NUP153: variants seen among roughly 807,000 people sequenced by gnomAD.
NUP153 encodes nuclear pore complex protein Nup153.
NUP153 carries 27 observed loss-of-function variants against 134.6 expected under a neutral mutation model. The observed-to-expected ratio is 0.20, with a 90% CI of 0.15 to 0.28. NUP153 has a LOEUF of 0.28. Among genes scored for constraint, NUP153 ranks in the 10% least tolerant of loss-of-function variants. The probability of loss-of-function intolerance (pLI) is 1.00; values close to 1 mark genes in which losing one functional copy is unlikely to be tolerated. For missense variants in NUP153, 1,821 were observed against 1,731.3 expected (o/e 1.05, Z -0.92); for synonymous variants, 640 against 623.5 (o/e 1.03, Z -0.40).
Position 17,637,395 on chromosome 6 carries a change from T to G in NUP153, c.2222A>C (p.Lys741Thr). The G allele has an allele frequency of 6.2e-7, 1 of 1,614,226 alleles. No homozygotes were observed. The highest frequency in any genetic ancestry group is 8.5e-7 in the Non-Finnish European group (1 of 1,180,038). The change falls in exon 16 of 22, where the codon AAA becomes ACA. Residue 741 changes from lysine (K) to threonine (T), a missense_variant. Transcript: ENST00000262077. ...CLVQNKPEAI[K>T]CVACETPKPG... ...TTTCGGTGTTTCACAGGCTACACAT[T>G]TTATTGCTTCAGGTTTATTTTGCAC...
In NUP153 at chr6:17,706,471, C is replaced by T; in HGVS notation, c.-84G>A. On this transcript the variant is annotated 5_prime_UTR_variant, in exon 1 of 22. Transcript: ENST00000262077. This position sits in a 1 kb window ranked among gnomAD's most constrained non-coding sequence, Gnocchi z 5.9. ...CGGAGGCCTTAGAGAGCCTCCCCCG[C>T]CGCCCGGCCCCGGCCCAAAAGTCCG... The T allele has an allele frequency of 1.9e-6, 2 of 1,034,412 alleles. No homozygotes were observed. Among genetic ancestry groups the T allele is most frequent in the Non-Finnish European group, 2.8e-6 (2 of 713,464 alleles). The allele number at this position is 1,034,412 out of a possible 1,614,324, so 64.1% of individuals were successfully genotyped here. A position where few individuals can be genotyped will look rare whatever the true frequency, so the allele number is the denominator to read the frequency against.
Position 17,697,503 on chromosome 6 carries a change from T to C in NUP153, c.111+8774A>G, listed in dbSNP as rs376158583. 2.6e-5 allele frequency among the ~76,000 whole-genome samples: 4 copies of C among 152,146 alleles called. No individual in the cohort carries two copies. The South Asian group carries it at 8.3e-4, about 32-fold the overall frequency. ...GAGTTCAAGACAAGCCTGGCCAACATGGCGAAACCCTGTCTCCATTAAAAA... is the reference window on the plus strand; with the variant it reads ...GAGTTCAAGACAAGCCTGGCCAACACGGCGAAACCCTGTCTCCATTAAAAA... On this transcript the variant is annotated intron_variant, in intron 1 of 21. Transcript: ENST00000262077.
At chr6:17,641,939 ATTCTAC>A (rs1765864825) in intron 14 of NUP153, among the ~76,000 whole-genome samples, 1 of 152,220 alleles carries the variant, frequency 6.6e-6, no homozygotes, top group Admixed American at 6.5e-5. Flanking sequence ...TCAGTCTACA[ATTCTAC>A]TTCTGAGAAT....
intron 1 of NUP153, among the ~76,000 whole-genome samples, chr6:17,705,348 C>A (rs893987586): frequency 2.6e-5 from 4 of 152,292 alleles, no homozygotes; most frequent in African/African-American, 9.6e-5. Context: ...TTCTCAGAAT[C>A]AACTATCTCA....
At chr6:17,645,267 T>C (rs149500275) in intron 14 of NUP153, among the ~76,000 whole-genome samples, 63 of 151,422 alleles carry the variant, frequency 4.2e-4, no homozygotes, top group African/African-American at 1.1e-3. Context: ...AAAAGAATTC[T>C]ATGTTTTAAT....
At chr6:17,659,714 G>A (rs774160977) in intron 11 of NUP153, among the ~76,000 whole-genome samples, 5 of 152,026 alleles carry the variant, frequency 3.3e-5, no homozygotes, top group African/African-American at 9.7e-5. Flanking sequence ...CTCGTGATCC[G>A]CCCGCCTTGG....
intron 8 of NUP153, among the ~76,000 whole-genome samples, chr6:17,668,139 G>A (rs959579024): frequency 3.4e-5 from 5 of 145,920 alleles, no homozygotes; most frequent in Admixed American, 7.0e-5. Flanking sequence ...GCAGTGGCGC[G>A]GCCTCGGCTC....
chr6:17,658,986 C>A (rs944791741), intron 11 of NUP153, among the ~76,000 whole-genome samples: 2 of 152,100 alleles, frequency 1.3e-5, no homozygotes, highest in Admixed American at 1.3e-4. Flanking sequence ...CTCAGCAAAT[C>A]AATGAGATGC....
intron 5 of NUP153, among the ~76,000 whole-genome samples, chr6:17,672,030 A>G (rs1279646463): frequency 1.3e-5 from 2 of 152,064 alleles, no homozygotes; most frequent in African/African-American, 2.4e-5. Flanking sequence ...AGCAATTCCA[A>G]TCAAAATCCT....
chr6:17,663,260 C>CACATAT lies in NUP153; in HGVS notation c.1216-1191_1216-1190insATATGT, dbSNP rs1389702878. On this transcript the variant is annotated intron_variant, in intron 9 of 21. Transcript: ENST00000262077. ...ACACACACACACACACACACACACACATATATATATATATATTTTGAGTCA... is the reference window on the plus strand; with the variant it reads ...ACACACACACACACACACACACACACACATATATATATATATATATATTTTGAGTCA... 3.6e-3 allele frequency among the ~76,000 whole-genome samples: 498 copies of CACATAT among 140,040 alleles called. 1 individual carries two copies. Among genetic ancestry groups the CACATAT allele is most frequent in the Non-Finnish European group, 3.7e-3 (238 of 64,500 alleles). 91.9% of individuals were successfully genotyped at this position (140,040 alleles called of 152,430 possible).
chr6:17,621,382 A>G (rs1353803228), intron 20 of NUP153, among the ~76,000 whole-genome samples: 3 of 152,218 alleles, frequency 2.0e-5, no homozygotes, highest in African/African-American at 2.4e-5. Context: ...GGAAATCAGT[A>G]TATCAAAGAG....
In NUP153 at chr6:17,682,841, G is replaced by A. The variant is rs553299341; in HGVS notation, c.334+5555C>T. ...ACCGAGGCAGGAGAATTGCTTTATC[G>A]CAGGAGGCTGAAGTTGCAGTGGGCT... On this transcript the variant is annotated intron_variant, in intron 2 of 21. Transcript: ENST00000262077. 1.2e-4 allele frequency among the ~76,000 whole-genome samples: 18 copies of A among 150,206 alleles called. No homozygotes were observed. In the South Asian group the frequency reaches 2.6e-3, roughly 21 times the overall value.
At chr6:17,618,835 G>C (rs942899332) in intron 20 of NUP153, among the ~76,000 whole-genome samples, 2 of 152,254 alleles carry the variant, frequency 1.3e-5, no homozygotes, top group African/African-American at 4.8e-5. Context: ...CAAAGTGCTG[G>C]GATTACAGGC....
chr6:17,620,501 T>C (rs1245846091), intron 20 of NUP153, among the ~76,000 whole-genome samples: 1 of 152,126 alleles, frequency 6.6e-6, no homozygotes, highest in Non-Finnish European at 1.5e-5. Flanking sequence ...CAAAATGGAT[T>C]AGACTTAAGT....
chr6:17,616,738 T>C (rs1764355603), intron 20 of NUP153, 43 bp from the exon 21 acceptor site: 3 of 1,567,146 alleles, frequency 1.9e-6, no homozygotes, highest in South Asian at 2.3e-5. Flanking sequence ...GGCAAAATGA[T>C]AGGTTTTTTT....
intron 10 of NUP153, 24 bp downstream of exon 10, chr6:17,661,994 T>C: frequency 1.3e-6 from 2 of 1,515,888 alleles, no homozygotes; most frequent in Non-Finnish European, 1.8e-6. Context: ...TAAAGAAGTA[T>C]AGCTGTATAA....
At chr6:17,639,255 T>C (rs1001501141) in intron 15 of NUP153, among the ~76,000 whole-genome samples, 11 of 152,022 alleles carry the variant, frequency 7.2e-5, no homozygotes, top group African/African-American at 2.7e-4. Context: ...TTTTTTCTCT[T>C]TTTAATAGAG....
In NUP153 at chr6:17,615,608, C is replaced by T. The variant is rs1225287653; in HGVS notation, c.*489G>A. On this transcript the variant is annotated 3_prime_UTR_variant, in exon 22 of 22. Transcript: ENST00000262077. This position sits in a 1 kb window ranked among gnomAD's most constrained non-coding sequence, Gnocchi z 5.7. ...AGAAAAGTTTAGCGCACAATACACC[C>T]AACTCACTCACTTCACACATACACC... is the stretch of plus-strand genomic sequence containing the variant. The T allele has an allele frequency of 6.5e-6, 1 of 152,936 alleles. No individual in the cohort carries two copies. Among genetic ancestry groups the T allele is most frequent in the Non-Finnish European group, 1.5e-5 (1 of 68,278 alleles). 9.5% of individuals were successfully genotyped at this position (152,936 alleles called of 1,614,324 possible).
rs1003234965 is a variant in NUP153, at chr6:17,625,124, C to A, written c.3902-291G>T. Among the ~76,000 whole-genome samples, 1 of 152,186 alleles carries A rather than the reference C, an allele frequency of 6.6e-6. No homozygotes were observed. The highest frequency in any genetic ancestry group is 1.5e-5 in the Non-Finnish European group (1 of 68,030). On this transcript the variant is annotated intron_variant, in intron 19 of 21. Transcript: ENST00000262077. The surrounding 1 kb of genome is among the most constrained non-coding windows in gnomAD (Gnocchi z 4.7). ...AACATATCTCAGAATAATCTCCCAC[C>A]AGAAATTTAATGTGTGCAGAAATTG...
Sources: gnomAD v4.1 joint callset for allele counts (sites outside exome capture counted in the v4.1 genomes callset) on GRCh38, gnomAD v4.1.1 for gene constraint, Gnocchi (gnomAD v3.1) non-coding constraint, MANE v1.5 for transcripts, NCBI Gene and HGNC (gene_info 2026-07-23, HGNC 2026-07-21) for gene names.